NTF3: variants seen among roughly 807,000 people sequenced by gnomAD.
The protein encoded by NTF3 is neurotrophin 3, also known as neurotrophin-3.
NTF3 carries 8 observed loss-of-function variants against 26.3 expected under a neutral mutation model. The ratio of observed to expected loss-of-function variants is 0.30; its 90% CI spans 0.18 to 0.55. The LOEUF is 0.55. Among genes scored for constraint, NTF3 ranks in the 20% least tolerant of loss-of-function variants. The pLI, the probability that NTF3 is intolerant of heterozygous loss-of-function variation, is 0.93. For missense variants in NTF3, 276 were observed against 352.9 expected (o/e 0.78, Z 1.75); for synonymous variants, 154 against 145.5 (o/e 1.06, Z -0.42).
chr12:5,487,796 C>T (rs1049800575), intron 1 of NTF3, among the ~76,000 whole-genome samples: 4 of 152,224 alleles, frequency 2.6e-5, no homozygotes, highest in Non-Finnish European at 5.9e-5. Flanking sequence ...TACATAGATA[C>T]AGACCTGTCC....
At chr12:5,437,153 G>A (rs1940176930) in intron 1 of NTF3, among the ~76,000 whole-genome samples, 1 of 152,210 alleles carries the variant, frequency 6.6e-6, no homozygotes, top group South Asian at 2.1e-4. Context: ...GAAACACACT[G>A]AAACCTCCGA....
chr12:5,448,716 G>A (rs760481123), intron 1 of NTF3, among the ~76,000 whole-genome samples: 6 of 152,184 alleles, frequency 3.9e-5, no homozygotes, highest in Non-Finnish European at 7.3e-5. Flanking sequence ...GGAAGCTATC[G>A]CATTGTTCTT....
intron 1 of NTF3, among the ~76,000 whole-genome samples, chr12:5,439,691 A>T (rs1049559572): frequency 1.3e-5 from 2 of 152,082 alleles, no homozygotes; most frequent in African/African-American, 2.4e-5. Context: ...AAACTCTATA[A>T]AATTGGAGCT....
At chr12:5,447,314 A>G (rs1041937776) in intron 1 of NTF3, among the ~76,000 whole-genome samples, 5 of 152,238 alleles carry the variant, frequency 3.3e-5, no homozygotes, top group Non-Finnish European at 5.9e-5. Flanking sequence ...GAAAGCGTGA[A>G]TTGAGTAAAA....
At chr12:5,465,185 A>G (rs927868654) in intron 1 of NTF3, among the ~76,000 whole-genome samples, 1 of 152,190 alleles carries the variant, frequency 6.6e-6, no homozygotes, top group Non-Finnish European at 1.5e-5. Flanking sequence ...TCCTCCCCAG[A>G]GCAGTAGGTT....
At chr12:5,443,693 G>T (rs1940268050) in intron 1 of NTF3, among the ~76,000 whole-genome samples, 1 of 152,146 alleles carries the variant, frequency 6.6e-6, no homozygotes, top group African/African-American at 2.4e-5. Flanking sequence ...GAGTATTTGA[G>T]ACTTTTGGTA....
In NTF3 at chr12:5,481,463, G is replaced by C. The variant is rs139146530; in HGVS notation, c.19-12731G>C. Among the ~76,000 whole-genome samples, 55 of 12,374 alleles carry C rather than the reference G, an allele frequency of 4.4e-3. No individual in the cohort carries two copies. In the Middle Eastern group the frequency reaches 0.25, roughly 56 times the overall value. 8.1% of individuals were successfully genotyped at this position (12,374 alleles called of 152,430 possible). On this transcript the variant is annotated intron_variant, in intron 1 of 1. Transcript: ENST00000423158. ...CATACATGCAGCACAGACACACACA[G>C]AATAACACCACACATACATGCACAC...
chr12:5,437,583 G>A (rs905952722), intron 1 of NTF3, among the ~76,000 whole-genome samples: 12 of 152,204 alleles, frequency 7.9e-5, no homozygotes, highest in African/African-American at 2.7e-4. Context: ...CTGGAAGTGA[G>A]AGAGGGGATG....
In NTF3 at chr12:5,481,809, G is replaced by C. The variant is rs143023637; in HGVS notation, c.19-12385G>C. On this transcript the variant is annotated intron_variant, in intron 1 of 1. Transcript: ENST00000423158. ...TAGACATATACACCACACTCATACA[G>C]AGACACATGCACACACATGCATACT... is the stretch of plus-strand genomic sequence containing the variant. 1.7e-3 allele frequency among the ~76,000 whole-genome samples: 223 copies of C among 129,062 alleles called. 5 individuals are homozygous for C. In the East Asian group the frequency reaches 0.052, roughly 30 times the overall value. 84.7% of individuals were successfully genotyped at this position (129,062 alleles called of 152,430 possible).
chr12:5,489,528 C>G (rs1940907928), intron 1 of NTF3, among the ~76,000 whole-genome samples: 1 of 152,186 alleles, frequency 6.6e-6, no homozygotes, highest in East Asian at 1.9e-4. Context: ...TATAATAGTA[C>G]GTACTTCAGG....
At chr12:5,461,767 C>G (rs1940529229) in intron 1 of NTF3, among the ~76,000 whole-genome samples, 1 of 152,134 alleles carries the variant, frequency 6.6e-6, no homozygotes, top group Non-Finnish European at 1.5e-5. Context: ...AAGGAGCTCT[C>G]TGGATAATGA....
At position 5,495,123 on chromosome 12, in the gene NTF3, A is replaced by C; in HGVS notation, c.*135A>C. 1.0e-6 allele frequency: 1 copy of C among 968,234 alleles called. No homozygotes were observed. The highest frequency in any genetic ancestry group is 1.8e-5 in the South Asian group (1 of 54,096). 60.0% of individuals were successfully genotyped at this position (968,234 alleles called of 1,614,324 possible). A position where few individuals can be genotyped will look rare whatever the true frequency, so the allele number is the denominator to read the frequency against. ...AAACTTCAGCAACCCTACAGTATAT[A>C]AGCTTTTTTCTCAATAAAATCAGTG... On this transcript the variant is annotated 3_prime_UTR_variant, in exon 2 of 2. Coordinates refer to ENST00000423158, the MANE Select transcript of NTF3 (RefSeq NM_001102654.2).
chr12:5,476,586 C>G (rs1940727998), intron 1 of NTF3, among the ~76,000 whole-genome samples: 1 of 152,064 alleles, frequency 6.6e-6, no homozygotes, highest in South Asian at 2.1e-4. Context: ...CAGATGTGGC[C>G]AGAGGGTAAG....
chr12:5,456,200 C>T lies in NTF3; in HGVS notation c.18+23858C>T, dbSNP rs528360549. 3.3e-5 allele frequency among the ~76,000 whole-genome samples: 5 copies of T among 152,280 alleles called. No homozygotes were observed. The highest frequency in any genetic ancestry group is 1.3e-4 in the Admixed American group (2 of 15,302). On this transcript the variant is annotated intron_variant, in intron 1 of 1. Transcript: ENST00000423158. The surrounding 1 kb of genome is among the most constrained non-coding windows in gnomAD (Gnocchi z 4.4). The stretch of plus-strand genomic sequence containing the variant: ...CAGGATGCACTGCAAGCTTTAAATG[C>T]GAGTGGCATCATCCCCTTCCGGTCA...
chr12:5,479,833 T>C (rs6489627), intron 1 of NTF3, among the ~76,000 whole-genome samples: 111,365 of 152,164 alleles, frequency 0.73, 41,127 homozygotes, highest in Middle Eastern at 0.79. Flanking sequence ...CAGGTCTCTC[T>C]GTGTCTTTTG....
intron 1 of NTF3, among the ~76,000 whole-genome samples, chr12:5,453,565 A>G (rs1042916007): frequency 6.6e-6 from 1 of 152,164 alleles, no homozygotes; most frequent in South Asian, 2.1e-4. Flanking sequence ...GCATTGTAAA[A>G]CTGTTCTCTC....
At chr12:5,491,737 T>C (rs1940939458) in intron 1 of NTF3, among the ~76,000 whole-genome samples, 1 of 106,992 alleles carries the variant, frequency 9.3e-6, no homozygotes, top group South Asian at 3.4e-4. Context: ...TTTTTTTTTT[T>C]GAATTGGAGT....
At chr12:5,468,137 C>T (rs1940616139) in intron 1 of NTF3, among the ~76,000 whole-genome samples, 1 of 152,186 alleles carries the variant, frequency 6.6e-6, no homozygotes, top group African/African-American at 2.4e-5. Context: ...TCAACTCTGC[C>T]TTGATTTGGT....
In NTF3 at chr12:5,494,058, G is replaced by A; in HGVS notation, c.19-136G>A. On this transcript the variant is annotated intron_variant, in intron 1 of 1. Transcript: ENST00000423158. The surrounding 1 kb of genome is among the most constrained non-coding windows in gnomAD (Gnocchi z 8.3). ...TCACCTCTTCAGAATGTCCAGAGGG[G>A]AGTTGCCTTGCTTACCTGGGGGGCG... The A allele has an allele frequency of 1.4e-6, 1 of 703,552 alleles. No individual in the cohort carries two copies. The highest frequency in any genetic ancestry group is 2.4e-6 in the Non-Finnish European group (1 of 424,128). The allele number at this position is 703,552 out of a possible 1,614,324, so 43.6% of individuals were successfully genotyped here.
Sources: gnomAD v4.1 joint callset for allele counts (sites outside exome capture counted in the v4.1 genomes callset) on GRCh38, gnomAD v4.1.1 for gene constraint, Gnocchi (gnomAD v3.1) non-coding constraint, MANE v1.5 for transcripts, NCBI Gene and HGNC (gene_info 2026-07-23, HGNC 2026-07-21) for gene names.